Variants in EPAS1 observed in about 807,000 individuals in gnomAD.
The protein encoded by EPAS1 is endothelial PAS domain protein 1.
Under a neutral mutation model 87.9 loss-of-function variants are expected in EPAS1, and 23 were observed. The ratio of observed to expected loss-of-function variants is 0.26; its 90% CI spans 0.19 to 0.37. EPAS1 has a LOEUF of 0.37. Ranked by LOEUF, EPAS1 falls within the 10% of genes least tolerant of loss-of-function variation. The probability of loss-of-function intolerance (pLI) is 1.00; values close to 1 mark genes in which losing one functional copy is unlikely to be tolerated. For synonymous variants in EPAS1, 508 were observed against 444.3 expected (o/e 1.14, Z -1.80); for missense variants, 1,138 against 1,120.7 (o/e 1.02, Z -0.22).
At chr2:46,340,991 A>T (rs558555488) in intron 1 of EPAS1, among the ~76,000 whole-genome samples, 1 of 152,326 alleles carries the variant, frequency 6.6e-6, no homozygotes, top group African/African-American at 2.4e-5. Flanking sequence ...AAGTGCTGTG[A>T]TTATAGGCAT....
In EPAS1 at chr2:46,376,589, T is replaced by A. The variant is rs1303793823; in HGVS notation, c.1085T>A (p.Leu362Gln). The change falls in exon 9 of 16, where the codon CTG becomes CAG. Residue 362 changes from leucine (L) to glutamine (Q), a missense_variant. Around this residue, in one of 4 missense-constraint regions of EPAS1, gnomAD observed 284 missense variants for 258.4 expected, o/e 1.10. Coordinates refer to ENST00000263734, the MANE Select transcript of EPAS1 (RefSeq NM_001430.5). ...TTCTCCATGGACCAGACTGAATCCC[T>A]GTTCAAGCCCCACCTGATGGCCATG... ...VVFSMDQTES[L>Q]FKPHLMAMNS... The A allele has an allele frequency of 6.2e-7, 1 of 1,614,202 alleles. No individual in the cohort carries two copies. The highest frequency in any genetic ancestry group is 1.1e-5 in the South Asian group (1 of 91,080).
At chr2:46,359,107 A>C in intron 4 of EPAS1, among the ~76,000 whole-genome samples, 1 of 151,754 alleles carries the variant, frequency 6.6e-6, no homozygotes, top group Non-Finnish European at 1.5e-5. Context: ...AAAAATACAA[A>C]AATTAGCTGG....
Position 46,377,959 on chromosome 2 carries a change from G to T in EPAS1, c.1315G>T (p.Ala439Ser), listed in dbSNP as rs1052229611. ...KAILPPSQPW[A>S]TELRSHSTQS... ...CATCCTGCCCCCGAGCCAGCCATGGGCCACGGAGTTGAGGAGCCACAGCAC... is the reference window on the plus strand; with the variant it reads ...CATCCTGCCCCCGAGCCAGCCATGGTCCACGGAGTTGAGGAGCCACAGCAC... The change falls in exon 10 of 16, where the codon GCC (alanine) becomes TCC (serine). Residue 439 changes from alanine to serine, a missense_variant. Ala to Ser is a moderately conservative substitution (Grantham distance 99). This residue lies in a region of EPAS1 where 284 missense variants were observed against 258.4 expected (regional missense o/e 1.10). Transcript: ENST00000263734. The T allele has an allele frequency of 1.9e-6, 3 of 1,563,444 alleles. No individual in the cohort carries two copies. Among genetic ancestry groups the T allele is most frequent in the Non-Finnish European group, 2.6e-6 (3 of 1,153,436 alleles).
intron 9 of EPAS1, 95 bp from the exon 10 acceptor site, chr2:46,377,799 C>T: frequency 6.5e-7 from 1 of 1,549,852 alleles, no homozygotes; most frequent in Admixed American, 2.0e-5. Flanking sequence ...CTTCCAGACC[C>T]TCTTAGGGCC....
intron 1 of EPAS1, among the ~76,000 whole-genome samples, chr2:46,313,471 G>T (rs2104843606): frequency 8.8e-6 from 1 of 113,396 alleles, no homozygotes; most frequent in Middle Eastern, 4.9e-3. Context: ...ATTTATTTTT[G>T]AGACAGTGTC....
intron 1 of EPAS1, among the ~76,000 whole-genome samples, chr2:46,299,847 G>T (rs923163784): frequency 8.5e-5 from 13 of 152,238 alleles, no homozygotes; most frequent in Non-Finnish European, 2.9e-5. Context: ...GCGGGAATGG[G>T]AGCGGGAAGA....
At chr2:46,311,080 G>T (rs554548397) in intron 1 of EPAS1, among the ~76,000 whole-genome samples, 1 of 152,046 alleles carries the variant, frequency 6.6e-6, no homozygotes, top group Non-Finnish European at 1.5e-5. Flanking sequence ...GGGTTTCACC[G>T]TGTTAACCAG....
chr2:46,378,000 G>T lies in EPAS1; in HGVS notation c.1356G>T (p.Gly452=). The T allele has an allele frequency of 6.3e-7, 1 of 1,591,518 alleles. No individual in the cohort carries two copies. Among genetic ancestry groups the T allele is most frequent in the African/African-American group, 1.3e-5 (1 of 74,548 alleles). Residue 452 remains glycine, a synonymous_variant, in exon 10 of 16, where the codon GGG becomes GGT. Transcript: ENST00000263734. The part of the protein sequence containing the change: ...LRSHSTQSEA[G]SLPAFTVPQA... ...GCCACAGCACCCAGAGCGAGGCTGGGAGCCTGCCTGCCTTCACCGTGCCCC... is the reference window on the plus strand; with the variant it reads ...GCCACAGCACCCAGAGCGAGGCTGGTAGCCTGCCTGCCTTCACCGTGCCCC...
chr2:46,302,149 T>TGC (rs755574983), intron 1 of EPAS1, among the ~76,000 whole-genome samples: 4 of 126,898 alleles, frequency 3.2e-5, no homozygotes, highest in Non-Finnish European at 4.8e-5. Context: ...TGTGTGTGTG[T>TGC]GCCCGTGCGT....
intron 6 of EPAS1, among the ~76,000 whole-genome samples, chr2:46,364,376 C>T (rs1684461545): frequency 6.6e-6 from 1 of 151,432 alleles, no homozygotes; most frequent in Admixed American, 6.6e-5. Context: ...ACCACAGACA[C>T]AATCAAGCAA....
chr2:46,382,621 A>G, intron 15 of EPAS1, 23 bp downstream of exon 15: 1 of 1,613,422 alleles, frequency 6.2e-7, no homozygotes, highest in Non-Finnish European at 8.5e-7. Flanking sequence ...AGGATCTGTC[A>G]CCCCCATCCC....
rs1037231089 is a variant in EPAS1 at position 46,369,750 on chromosome 2, G to T, written c.780-77G>T. ...ATGTGTGTGTTTGATTTGCCTTCTG[G>T]GGTTAGCTCCTGCCCACATGCTGTG... On this transcript the variant is annotated intron_variant, in intron 6 of 15. Transcript: ENST00000263734. 3.9e-6 allele frequency: 4 copies of T among 1,014,492 alleles called. No homozygotes were observed. The African/African-American group carries it at 4.8e-5, about 12-fold the overall frequency. The allele number at this position is 1,014,492 out of a possible 1,614,324, so 62.8% of individuals were successfully genotyped here.
chr2:46,356,127 T>TTGGGGGG, intron 2 of EPAS1, 24 bp from the exon 3 acceptor site: 4 of 1,395,474 alleles, frequency 2.9e-6, no homozygotes, highest in Non-Finnish European at 3.9e-6. Flanking sequence ...TCATGCAAGC[T>TTGGGGGG]GTCCCACCCC....
intron 1 of EPAS1, among the ~76,000 whole-genome samples, chr2:46,332,214 C>G (rs1201371390): frequency 6.7e-6 from 1 of 150,038 alleles, no homozygotes; most frequent in Non-Finnish European, 1.5e-5. Flanking sequence ...TAAGAATGGT[C>G]CAGGAGTTTC....
At position 46,380,584 on chromosome 2, in the gene EPAS1, C is replaced by T. The variant is rs1386376778; in HGVS notation, c.1912C>T (p.Gln638Ter). Reference protein sequence around the residue: ...LSSMGGRSNTQWPPDPPLHFG... With the variant: ...LSSMGGRSNT ...TTCCATGGGGGGCAGATCCAATACC[C>T]AGTGGCCCCCAGATCCACCATTACA... The change falls in exon 12 of 16, where the codon CAG becomes TAG. Residue 638 changes from glutamine to a stop codon, truncating the protein, a stop_gained. Coordinates refer to ENST00000263734, the MANE Select transcript of EPAS1 (RefSeq NM_001430.5). LOFTEE classifies it high-confidence loss of function. This position sits in a 1 kb window ranked among gnomAD's most constrained non-coding sequence, Gnocchi z 4.4. 6.2e-7 allele frequency: 1 copy of T among 1,614,112 alleles called. No homozygotes were observed. The highest frequency in any genetic ancestry group is 8.5e-7 in the Non-Finnish European group (1 of 1,180,008).
At chr2:46,373,616 T>C (rs1208926300) in intron 7 of EPAS1, among the ~76,000 whole-genome samples, 1 of 152,112 alleles carries the variant, frequency 6.6e-6, no homozygotes, top group Non-Finnish European at 1.5e-5. Flanking sequence ...AGTGGTTGCC[T>C]GGAACCAGGG....
intron 1 of EPAS1, among the ~76,000 whole-genome samples, chr2:46,309,963 A>C (rs975114321): frequency 1.3e-5 from 2 of 152,216 alleles, no homozygotes. Flanking sequence ...GGGTGGTTGG[A>C]GGAGGCCATG....
intron 8 of EPAS1, among the ~76,000 whole-genome samples, chr2:46,376,141 A>G (rs1684741907): frequency 6.6e-6 from 1 of 151,024 alleles, no homozygotes; most frequent in South Asian, 2.1e-4. Context: ...TGAATGGGGA[A>G]AAAGGAAAGA....
In EPAS1 at chr2:46,385,261, C is replaced by T. The variant is rs1684991056; in HGVS notation, c.*601C>T. On this transcript the variant is annotated 3_prime_UTR_variant, in exon 16 of 16. Coordinates refer to ENST00000263734, the MANE Select transcript of EPAS1 (RefSeq NM_001430.5). ...AAGAAATGTGAAGGGTCAACTCCAA[C>T]GTATGTGGTTATCTGTGAAAGTTGC... 6.5e-6 allele frequency: 1 copy of T among 152,916 alleles called. No homozygotes were observed. The highest frequency in any genetic ancestry group is 1.5e-5 in the Non-Finnish European group (1 of 68,470). The allele number at this position is 152,916 out of a possible 1,614,324, so 9.5% of individuals were successfully genotyped here. A position where few individuals can be genotyped will look rare whatever the true frequency, so the allele number is the denominator to read the frequency against.
Sources: allele counts gnomAD v4.1 joint callset (sites outside exome capture counted in the v4.1 genomes callset), GRCh38; gene constraint gnomAD v4.1.1; regional missense constraint gnomAD v4.1.1; non-coding constraint Gnocchi (gnomAD v3.1); transcripts MANE v1.5; gene names NCBI Gene and HGNC (gene_info 2026-07-23, HGNC 2026-07-21).